LARGE1: variants seen among roughly 807,000 people sequenced by gnomAD.
LARGE1 encodes xylosyl- and glucuronyltransferase LARGE1.
LARGE1 carries 43 observed loss-of-function variants against 87.6 expected under a neutral mutation model. That is an observed-to-expected ratio of 0.49 (90% confidence interval 0.38 to 0.63). LARGE1 has a LOEUF of 0.63. Among genes scored for constraint, LARGE1 ranks in the 30% least tolerant of loss-of-function variants. LARGE1 has a pLI of 0.00. For synonymous variants in LARGE1, 434 were observed against 394.6 expected (o/e 1.10, Z -1.18); for missense variants, 802 against 1,000.2 (o/e 0.80, Z 2.67).
At chr22:33,599,531 T>C (rs1224965768) in intron 5 of LARGE1, among the ~76,000 whole-genome samples, 2 of 152,060 alleles carry the variant, frequency 1.3e-5, no homozygotes, top group African/African-American at 2.4e-5. Flanking sequence ...GCCATAGAGA[T>C]AGGCAGGCTG....
intron 2 of LARGE1, among the ~76,000 whole-genome samples, chr22:33,700,282 T>C (rs560551513): frequency 6.6e-6 from 1 of 152,196 alleles, no homozygotes; most frequent in Admixed American, 6.5e-5. Flanking sequence ...TTCTGATGCA[T>C]GCTGGAGTTT....
chr22:33,215,485 T>C (rs1436644738), intron 11 of LARGE1, among the ~76,000 whole-genome samples: 1 of 152,230 alleles, frequency 6.6e-6, no homozygotes. Flanking sequence ...TAATTATTTA[T>C]GTAGAGAGAG....
At chr22:33,294,392 T>A (rs772049139) in intron 12 of LARGE1, among the ~76,000 whole-genome samples, 1 of 152,076 alleles carries the variant, frequency 6.6e-6, no homozygotes, top group Non-Finnish European at 1.5e-5. Flanking sequence ...CAAACCTGAG[T>A]CGTAAGAAAT....
At chr22:33,585,856 G>A (rs1312855067) in intron 5 of LARGE1, among the ~76,000 whole-genome samples, 4 of 152,112 alleles carry the variant, frequency 2.6e-5, no homozygotes, top group African/African-American at 4.8e-5. Context: ...TGCTCACCAC[G>A]CCCGGCTAAT....
chr22:33,357,976 G>A (rs1189035929), intron 9 of LARGE1, among the ~76,000 whole-genome samples: 5 of 152,008 alleles, frequency 3.3e-5, no homozygotes, highest in Non-Finnish European at 7.4e-5. Flanking sequence ...GTTAGGGTGA[G>A]TTAAAGAACT....
chr22:33,428,766 A>C (rs1329094489), intron 7 of LARGE1, among the ~76,000 whole-genome samples: 1 of 147,440 alleles, frequency 6.8e-6, no homozygotes, highest in African/African-American at 2.4e-5. Context: ...ACTAAAAAAA[A>C]AAAAAAAAAA....
At chr22:33,259,369 CACACACACAT>C (rs1950443793) in intron 11 of LARGE1, among the ~76,000 whole-genome samples, 2 of 151,844 alleles carry the variant, frequency 1.3e-5, no homozygotes, top group Non-Finnish European at 2.9e-5. Flanking sequence ...TGCACGGACA[CACACACACAT>C]ACACACACAG....
At chr22:33,776,864 G>A (rs1177578426) in intron 1 of LARGE1, among the ~76,000 whole-genome samples, 1 of 152,136 alleles carries the variant, frequency 6.6e-6, no homozygotes, top group South Asian at 2.1e-4. Flanking sequence ...TCTACGCTTT[G>A]CCATTCACTA....
At chr22:33,424,144 C>T (rs917188042) in intron 7 of LARGE1, among the ~76,000 whole-genome samples, 10 of 152,208 alleles carry the variant, frequency 6.6e-5, no homozygotes, top group African/African-American at 1.9e-4. Flanking sequence ...CCAGCCTCAT[C>T]TCTAGACATT....
chr22:33,484,815 T>A (rs2069495620), intron 6 of LARGE1, among the ~76,000 whole-genome samples: 1 of 152,182 alleles, frequency 6.6e-6, no homozygotes, highest in Non-Finnish European at 1.5e-5. Flanking sequence ...CCATTCTTCC[T>A]TATTGTCATT....
intron 11 of LARGE1, among the ~76,000 whole-genome samples, chr22:33,177,737 A>G (rs1922950429): frequency 6.6e-6 from 1 of 152,174 alleles, no homozygotes; most frequent in Non-Finnish European, 1.5e-5. Context: ...TGTGAAAAGG[A>G]TCAACTCAGA....
At chr22:33,696,942 C>T (rs1489083048) in intron 2 of LARGE1, among the ~76,000 whole-genome samples, 1 of 152,086 alleles carries the variant, frequency 6.6e-6, no homozygotes, top group East Asian at 1.9e-4. Context: ...TCCCTTTATC[C>T]TCTCTCATTT....
intron 3 of LARGE1, among the ~76,000 whole-genome samples, chr22:33,637,604 CT>C (rs1175385356): frequency 1.2e-5 from 1 of 81,292 alleles, no homozygotes; most frequent in Non-Finnish European, 2.5e-5. Flanking sequence ...CTTTTTACTT[CT>C]TCTGTTTAAA....
chr22:33,751,246 C>T (rs1357617605), intron 2 of LARGE1, among the ~76,000 whole-genome samples: 2 of 152,112 alleles, frequency 1.3e-5, no homozygotes, highest in East Asian at 1.9e-4. Flanking sequence ...TTTGGGAGGC[C>T]GAGGAGGGCA....
Position 33,277,759 on chromosome 22 carries a change from GT to G in LARGE1, c.1878-505del, listed in dbSNP as rs531388062. On this transcript the variant is annotated intron_variant, in intron 13 of 14. Coordinates refer to ENST00000397394, the MANE Select transcript of LARGE1 (RefSeq NM_133642.5). The stretch of plus-strand genomic sequence containing the variant: ...TCTATTATGTTAAGCCATCCAGTTT[GT>G]AGTATTTTGCTGCAGCAGCTGCAGG... 3.9e-5 allele frequency among the ~76,000 whole-genome samples: 6 copies of G among 152,296 alleles called. No individual in the cohort carries two copies. In the East Asian group the frequency reaches 1.2e-3, roughly 29 times the overall value.
At chr22:33,462,680 C>T (rs776942072) in intron 6 of LARGE1, among the ~76,000 whole-genome samples, 45 of 152,102 alleles carry the variant, frequency 3.0e-4, no homozygotes, top group Non-Finnish European at 4.9e-4. Context: ...ACTCAGGAGG[C>T]TGAGGCAGGA....
chr22:33,308,298 G>A (rs8137627), intron 11 of LARGE1, among the ~76,000 whole-genome samples: 3,259 of 152,174 alleles, frequency 0.021, 102 homozygotes, highest in African/African-American at 0.075. Flanking sequence ...CCACCAAGGC[G>A]GACCATTCTA....
chr22:33,378,072 T>A (rs1222147523), intron 9 of LARGE1, among the ~76,000 whole-genome samples: 2 of 152,180 alleles, frequency 1.3e-5, no homozygotes. Context: ...TTTCTCAGGG[T>A]AGCTTACTTC....
At position 33,564,884 on chromosome 22, in the gene LARGE1, T is replaced by C; in HGVS notation, c.751A>G (p.Ile251Val). ...LDTDITFATD[I>V]AELWAVFHKF... ...TGGAACACAGCCCACAGCTCTGCAATGTCAGTGGCAAAGGTGATATCCGTG... is the reference window on the plus strand; with the variant it reads ...TGGAACACAGCCCACAGCTCTGCAACGTCAGTGGCAAAGGTGATATCCGTG... The change falls in exon 6 of 15, where the codon ATT (isoleucine) becomes GTT (valine). Residue 251 changes from isoleucine to valine, a missense_variant. By Grantham distance (29) the Ile-to-Val change is conservative. Transcript: ENST00000397394. The C allele has an allele frequency of 1.2e-6, 2 of 1,614,220 alleles. No homozygotes were observed. Among genetic ancestry groups the C allele is most frequent in the African/African-American group, 1.3e-5 (1 of 75,060 alleles).
Sources: gnomAD v4.1 joint callset for allele counts (sites outside exome capture counted in the v4.1 genomes callset) on GRCh38, gnomAD v4.1.1 for gene constraint, MANE v1.5 for transcripts, NCBI Gene and HGNC (gene_info 2026-07-23, HGNC 2026-07-21) for gene names.